SGCD: variants seen among roughly 807,000 people sequenced by gnomAD.
SGCD encodes the protein delta-sarcoglycan.
Under a neutral mutation model 36.6 loss-of-function variants are expected in SGCD, and 18 were observed. That is an observed-to-expected ratio of 0.49 (90% confidence interval 0.34 to 0.73). The LOEUF is 0.73. Ranked by LOEUF, SGCD falls within the 30% of genes least tolerant of loss-of-function variation. SGCD has a pLI of 0.01. For synonymous variants in SGCD, 133 were observed against 130.6 expected (o/e 1.02, Z -0.12); for missense variants, 387 against 346.7 (o/e 1.12, Z -0.92).
intron 7 of SGCD, among the ~76,000 whole-genome samples, chr5:156,708,972 C>A (rs957193305): frequency 1.3e-5 from 2 of 152,140 alleles, no homozygotes; most frequent in Non-Finnish European, 2.9e-5. Context: ...GGGCTTGTTA[C>A]ATATATTCCT....
At chr5:155,745,425 A>C in the SGCD span, among the ~76,000 whole-genome samples, 5 of 152,128 alleles carry the variant, frequency 3.3e-5, no homozygotes, top group Non-Finnish European at 5.9e-5. Flanking sequence ...TAATCTGGCC[A>C]TTTGTCTTCT....
chr5:156,143,613 C>T (rs576434811), intron 3 of SGCD, among the ~76,000 whole-genome samples: 8 of 152,208 alleles, frequency 5.3e-5, no homozygotes, highest in Non-Finnish European at 1.0e-4. Context: ...CTTGGACCAG[C>T]ATGCCCTGGA....
chr5:156,151,308 G>T (rs762837872), intron 3 of SGCD, among the ~76,000 whole-genome samples: 4 of 151,594 alleles, frequency 2.6e-5, no homozygotes, highest in Admixed American at 6.6e-5. Context: ...TTTCTTTTTG[G>T]ATGTGTGGCA....
At chr5:156,270,088 A>C (rs753358261) in intron 3 of SGCD, among the ~76,000 whole-genome samples, 10 of 152,224 alleles carry the variant, frequency 6.6e-5, no homozygotes, top group Non-Finnish European at 1.3e-4. Flanking sequence ...AGTCTTCTGC[A>C]TATGGCTAGC....
At chr5:156,069,294 T>G (rs1297420170) in intron 1 of SGCD, among the ~76,000 whole-genome samples, 1 of 152,134 alleles carries the variant, frequency 6.6e-6, no homozygotes, top group Non-Finnish European at 1.5e-5. Context: ...TTGAATTAAT[T>G]TTTGTATAAG....
In SGCD at chr5:156,061,482, A is replaced by C. The variant is rs1036001713; in HGVS notation, c.-281-56396A>C. Among the ~76,000 whole-genome samples, 9 of 146,342 alleles carry C rather than the reference A, an allele frequency of 6.1e-5. 1 individual carries two copies. Among genetic ancestry groups the C allele is most frequent in the African/African-American group, 2.2e-4 (9 of 40,668 alleles). On this transcript the variant is annotated intron_variant, in intron 1 of 9. Coordinates refer to the SGCD transcript ENST00000517913. ...CACTATAACTGGTATCCTGAAAACC[A>C]GGATTCGACTTAGCTTGGGTTTCTT...
intron 3 of SGCD, among the ~76,000 whole-genome samples, chr5:156,420,410 T>C (rs776367117): frequency 1.3e-5 from 2 of 152,102 alleles, no homozygotes; most frequent in African/African-American, 2.4e-5. Context: ...TCTTAGGGCA[T>C]TTTTACTAAG....
chr5:156,642,570 G>A (rs970270681), intron 6 of SGCD, among the ~76,000 whole-genome samples: 1 of 144,916 alleles, frequency 6.9e-6, no homozygotes, highest in Non-Finnish European at 1.5e-5. Flanking sequence ...CCGGGTTCAA[G>A]CAATTCTCCT....
intron 4 of SGCD, among the ~76,000 whole-genome samples, chr5:156,546,703 T>C (rs1476746501): frequency 6.6e-6 from 1 of 152,200 alleles, no homozygotes; most frequent in Non-Finnish European, 1.5e-5. Flanking sequence ...GTGTGAAATA[T>C]GATCTTGTCA....
intron 2 of SGCD, among the ~76,000 whole-genome samples, chr5:156,118,588 C>T (rs754892905): frequency 5.3e-5 from 8 of 152,130 alleles, no homozygotes; most frequent in Non-Finnish European, 8.8e-5. Flanking sequence ...ATGAGAGACA[C>T]ATATTTCATT....
At chr5:156,749,779 G>A (rs1445430258) in intron 7 of SGCD, among the ~76,000 whole-genome samples, 1 of 151,872 alleles carries the variant, frequency 6.6e-6, no homozygotes, top group Admixed American at 6.6e-5. Context: ...ATTATTTTTT[G>A]GTGGAAAAAC....
At chr5:155,903,871 G>A (rs1756445027) in intron 1 of SGCD, among the ~76,000 whole-genome samples, 1 of 152,118 alleles carries the variant, frequency 6.6e-6, no homozygotes, top group Non-Finnish European at 1.5e-5. Flanking sequence ...AACTTACTGT[G>A]CGTGTTCTCC....
chr5:156,665,204 C>G (rs919656803), intron 7 of SGCD, among the ~76,000 whole-genome samples: 1 of 152,282 alleles, frequency 6.6e-6, no homozygotes, highest in Admixed American at 6.5e-5. Flanking sequence ...TGTAATCTTA[C>G]GGGCACCTGA....
chr5:155,936,161 C>G (rs956289620), intron 1 of SGCD, among the ~76,000 whole-genome samples: 4 of 152,212 alleles, frequency 2.6e-5, no homozygotes, highest in Non-Finnish European at 4.4e-5. Context: ...CTTTCCTTCT[C>G]TCTTCTCGGC....
chr5:156,702,399 C>G (rs2113732407), intron 7 of SGCD, among the ~76,000 whole-genome samples: 1 of 152,154 alleles, frequency 6.6e-6, no homozygotes, highest in South Asian at 2.1e-4. Context: ...ATTATAAATT[C>G]TACCTGGGCA....
intron 1 of SGCD, among the ~76,000 whole-genome samples, chr5:155,988,604 T>C (rs1429913434): frequency 6.6e-6 from 1 of 151,800 alleles, no homozygotes; most frequent in Non-Finnish European, 1.5e-5. Context: ...TCATACTTTA[T>C]ACTTCCAGAT....
At chr5:156,048,023 C>G (rs997275430) in intron 1 of SGCD, among the ~76,000 whole-genome samples, 7 of 152,042 alleles carry the variant, frequency 4.6e-5, no homozygotes, top group Non-Finnish European at 8.8e-5. Context: ...CTTCCTGTGT[C>G]CATGTGTTGT....
chr5:156,733,426 T>C lies in SGCD; in HGVS notation c.576-24155T>C, dbSNP rs113901595. Among the ~76,000 whole-genome samples the C allele has an allele frequency of 6.1e-3, 934 of 152,228 alleles. 33 individuals carry two copies. In the East Asian group the frequency reaches 0.084, roughly 14 times the overall value. ...CATTTTGCGTCTGCTGAGGAGTGTT[T>C]TACTTCTGCTTGTGTGATCAATTTT... On this transcript the variant is annotated intron_variant, in intron 7 of 8. Coordinates refer to ENST00000337851, the MANE Select transcript of SGCD (RefSeq NM_000337.6).
At chr5:155,844,376 C>G in the SGCD span, among the ~76,000 whole-genome samples, 8 of 150,542 alleles carry the variant, frequency 5.3e-5, no homozygotes, top group Admixed American at 1.3e-4. Flanking sequence ...AAAAACTAAT[C>G]CAGAGGAAGT....
Sources: allele counts gnomAD v4.1 joint callset (sites outside exome capture counted in the v4.1 genomes callset), GRCh38; gene constraint gnomAD v4.1.1; transcripts MANE v1.5; gene names NCBI Gene and HGNC (gene_info 2026-07-23, HGNC 2026-07-21).